UGT1A8: variants seen among roughly 807,000 people sequenced by gnomAD.
UGT1A8 encodes the protein UDP-glucuronosyltransferase 1A8.
Under a neutral mutation model 45.3 loss-of-function variants are expected in UGT1A8, and 39 were observed. That is an observed-to-expected ratio of 0.86 (90% CI 0.67 to 1.12). UGT1A8 has a LOEUF of 1.12. UGT1A8 is among the 50% of genes most tolerant of loss of function. The pLI is 0.00. For synonymous variants in UGT1A8, 275 were observed against 249.2 expected, an observed-to-expected ratio of 1.10 and a Z score of -0.97; for missense variants, 719 against 664.9, an observed-to-expected ratio of 1.08 and a Z score of -0.90.
At chr2:233,720,432 T>G (rs1054639821) in intron 1 of UGT1A8, among the ~76,000 whole-genome samples, 2 of 151,984 alleles carry the variant, frequency 1.3e-5, no homozygotes, top group Non-Finnish European at 2.9e-5. Flanking sequence ...GATAAGACCG[T>G]GAATCTATAA....
At chr2:233,765,965 G>A (rs926314619) in intron 1 of UGT1A8, among the ~76,000 whole-genome samples, 1 of 152,142 alleles carries the variant, frequency 6.6e-6, no homozygotes, top group Admixed American at 6.5e-5. Flanking sequence ...AGTGTCTAGA[G>A]GTGGATGTTT....
At position 233,682,362 on chromosome 2, in the gene UGT1A8, T is replaced by C. The variant is rs747551450; in HGVS notation, c.855+63800T>C. ...GTAGAATACTTAAAGGAGAGTTGTT[T>C]TGATGCAGTGTTTCTCGATCCTTTT... On this transcript the variant is annotated intron_variant, in intron 1 of 4. Coordinates refer to ENST00000373450, the MANE Select transcript of UGT1A8 (RefSeq NM_019076.5). 18 of 1,614,152 alleles carry C rather than the reference T, an allele frequency of 1.1e-5. No homozygotes were observed. The South Asian group carries it at 2.0e-4, about 18-fold the overall frequency.
intron 1 of UGT1A8, among the ~76,000 whole-genome samples, chr2:233,627,289 C>T (rs1421730640): frequency 6.6e-6 from 1 of 151,946 alleles, no homozygotes; most frequent in East Asian, 1.9e-4. Flanking sequence ...TCATTTGTCT[C>T]CTTTTGCTTG....
At chr2:233,679,084 A>G (rs557952214) in intron 1 of UGT1A8, among the ~76,000 whole-genome samples, 1 of 152,162 alleles carries the variant, frequency 6.6e-6, no homozygotes, top group South Asian at 2.1e-4. Flanking sequence ...AACCTTTTCC[A>G]TAGAAAACTG....
intron 1 of UGT1A8, chr2:233,672,662 A>T: frequency 1.9e-6 from 3 of 1,613,884 alleles, no homozygotes; most frequent in Non-Finnish European, 2.5e-6. Flanking sequence ...ACGGAGTATG[A>T]TCTCTACAGC....
chr2:233,664,451 G>A (rs560422900), intron 1 of UGT1A8, among the ~76,000 whole-genome samples: 1 of 152,112 alleles, frequency 6.6e-6, no homozygotes, highest in Non-Finnish European at 1.5e-5. Flanking sequence ...CCTGAGACTG[G>A]GTAATTTATA....
At position 233,618,063 on chromosome 2, in the gene UGT1A8, T is replaced by G. The variant is rs776641742; in HGVS notation, c.356T>G (p.Leu119Ter). 6.2e-7 allele frequency: 1 copy of G among 1,613,996 alleles called. No homozygotes were observed. The highest frequency in any genetic ancestry group is 1.7e-5 in the Admixed American group (1 of 59,956). The change falls in exon 1 of 5, where the codon TTA (leucine) becomes TGA (stop). Residue 119 changes from leucine (L) to a stop codon, truncating the protein, a stop_gained. Coordinates refer to ENST00000373450, the MANE Select transcript of UGT1A8 (RefSeq NM_019076.5). LOFTEE classifies it high-confidence loss of function. ...AGTTCATCCAATGGTTTTTTTAACT[T>G]ATTTTTTTCGCATTGCAGGAGTTTG... is the stretch of plus-strand genomic sequence containing the variant. ...FLSSSNGFFN[L>*]FFSHCRSLFN...
At chr2:233,643,100 G>A (rs557777549) in intron 1 of UGT1A8, among the ~76,000 whole-genome samples, 3 of 152,344 alleles carry the variant, frequency 2.0e-5, no homozygotes, top group South Asian at 4.1e-4. Flanking sequence ...CAATCAGCAG[G>A]TGATACAGCC....
At chr2:233,719,251 C>A in intron 1 of UGT1A8, 1 of 1,614,174 alleles carries the variant, frequency 6.2e-7, no homozygotes, top group Non-Finnish European at 8.5e-7. Flanking sequence ...CTGAATGCTA[C>A]TTCCTTTGAT....
chr2:233,695,209 T>C (rs1676135359), intron 1 of UGT1A8, among the ~76,000 whole-genome samples: 1 of 148,008 alleles, frequency 6.8e-6, no homozygotes, highest in South Asian at 2.2e-4. Flanking sequence ...CACTGCAACC[T>C]CCACCTCCTG....
At chr2:233,690,379 A>G (rs1457106396) in intron 1 of UGT1A8, 1 of 968,960 alleles carries the variant, frequency 1.0e-6, no homozygotes, top group African/African-American at 1.7e-5. Flanking sequence ...CATAGGGTCC[A>G]CGTTTCCAGA....
chr2:233,634,307 T>TGTGTATTACACATGTAATACACATGTA (rs1324315603), intron 1 of UGT1A8, among the ~76,000 whole-genome samples: 1 of 152,236 alleles, frequency 6.6e-6, no homozygotes, highest in Non-Finnish European at 1.5e-5. Flanking sequence ...TGGAGAGTTC[T>TGTGTATTACACATGTAATACACATGTA]ATACATGTGT....
At chr2:233,637,187 A>G (rs1165171372) in intron 1 of UGT1A8, 1 of 1,613,990 alleles carries the variant, frequency 6.2e-7, no homozygotes. Flanking sequence ...TTTTGCCAGT[A>G]TCTTTTTAGA....
intron 1 of UGT1A8, among the ~76,000 whole-genome samples, chr2:233,731,855 G>T (rs1025455629): frequency 1.3e-5 from 2 of 152,138 alleles, no homozygotes; most frequent in African/African-American, 4.8e-5. Flanking sequence ...TTGAGGAATC[G>T]CCACACTGTC....
chr2:233,683,013 T>C (rs1053906206), intron 1 of UGT1A8, among the ~76,000 whole-genome samples: 2 of 152,186 alleles, frequency 1.3e-5, no homozygotes, highest in African/African-American at 2.4e-5. Flanking sequence ...TTGTAGATCA[T>C]ATCTAGGCTG....
At chr2:233,626,981 A>G (rs2073095906) in intron 1 of UGT1A8, among the ~76,000 whole-genome samples, 1 of 152,084 alleles carries the variant, frequency 6.6e-6, no homozygotes, top group Non-Finnish European at 1.5e-5. Context: ...TTGTACAACC[A>G]AAAAACTGTC....
intron 1 of UGT1A8, among the ~76,000 whole-genome samples, chr2:233,673,943 T>C (rs1278771700): frequency 2.6e-5 from 4 of 152,216 alleles, no homozygotes; most frequent in African/African-American, 7.2e-5. Flanking sequence ...TTGAGTAATA[T>C]TGTGAGAGTA....
chr2:233,747,428 G>T (rs1427040404), intron 1 of UGT1A8: 12 of 1,608,630 alleles, frequency 7.5e-6, no homozygotes, highest in South Asian at 6.6e-5. Context: ...TCAAACAAGA[G>T]AAATTTTTCA....
chr2:233,682,442 G>T (rs1559339683), intron 1 of UGT1A8: 1 of 1,613,664 alleles, frequency 6.2e-7, no homozygotes, highest in East Asian at 2.2e-5. Context: ...TGTGGTCTTC[G>T]CCAGGGGAAT....
Sources: gnomAD v4.1 joint callset for allele counts (sites outside exome capture counted in the v4.1 genomes callset) on GRCh38, gnomAD v4.1.1 for gene constraint, MANE v1.5 for transcripts, NCBI Gene and HGNC (gene_info 2026-07-23, HGNC 2026-07-21) for gene names.